RASSF3: variants seen among roughly 807,000 people sequenced by gnomAD.
The protein encoded by RASSF3 is ras association domain-containing protein 3.
RASSF3 carries 19 observed loss-of-function variants against 19.9 expected under a neutral mutation model. The observed-to-expected ratio is 0.96, with a 90% confidence interval of 0.67 to 1.40. The LOEUF (loss-of-function observed/expected upper bound fraction) is 1.40, where lower values mean the gene tolerates loss of function less well. Ranked by LOEUF, RASSF3 falls within the 40% of genes most tolerant of loss-of-function variation. The pLI is 0.00. For missense variants in RASSF3, 306 were observed against 289.8 expected, an observed-to-expected ratio of 1.06 and a Z score of -0.41; for synonymous variants, 110 against 104.2, an observed-to-expected ratio of 1.06 and a Z score of -0.34.
At chr12:64,584,508 A>AG (rs1343981746) in intron 2 of RASSF3, among the ~76,000 whole-genome samples, 1 of 151,316 alleles carries the variant, frequency 6.6e-6, no homozygotes, top group Non-Finnish European at 1.5e-5. Flanking sequence ...GCTAAGAAAA[A>AG]AAAAAAAAAA....
chr12:64,541,330 C>T (rs769841005), intron 1 of RASSF3, among the ~76,000 whole-genome samples: 7 of 152,088 alleles, frequency 4.6e-5, no homozygotes, highest in Non-Finnish European at 7.4e-5. Context: ...AAAAATGTAT[C>T]GTAGCCTAAT....
chr12:64,583,494 C>T (rs866614440), intron 2 of RASSF3, among the ~76,000 whole-genome samples: 5 of 152,100 alleles, frequency 3.3e-5, no homozygotes, highest in Non-Finnish European at 5.9e-5. Context: ...TGGTAGCGTG[C>T]GCCTGTAGTT....
At chr12:64,686,060 G>C (rs1269066192) in intron 2 of RASSF3, among the ~76,000 whole-genome samples, 1 of 152,128 alleles carries the variant, frequency 6.6e-6, no homozygotes, top group Non-Finnish European at 1.5e-5. Context: ...CCCCTCCCTG[G>C]TAGAACTCCT....
chr12:64,507,010 T>A (rs1868296225), exon 1 of RASSF3: 2 of 394,364 alleles, frequency 5.1e-6, no homozygotes, highest in East Asian at 7.2e-5. Context: ...ATTAATACAG[T>A]TTCTAGTTAT....
At chr12:64,571,518 G>GCTGGC (rs1432625421) in intron 2 of RASSF3, among the ~76,000 whole-genome samples, 23 of 152,276 alleles carry the variant, frequency 1.5e-4, no homozygotes, top group African/African-American at 5.3e-4. Flanking sequence ...GCTGGGCTGG[G>GCTGGC]CTGAGGCTTC....
intron 1 of RASSF3, among the ~76,000 whole-genome samples, chr12:64,666,509 G>T (rs74100742): frequency 0.012 from 1,781 of 152,260 alleles, 38 homozygotes; most frequent in African/African-American, 0.041. Flanking sequence ...GTGTACTCTG[G>T]TTTTCCAAAG....
At chr12:64,611,874 T>C (rs890366348) in intron 1 of RASSF3, among the ~76,000 whole-genome samples, 2 of 152,118 alleles carry the variant, frequency 1.3e-5, no homozygotes, top group African/African-American at 4.8e-5. Flanking sequence ...ATTCGGAAGT[T>C]CTAGTCTTTT....
intron 1 of RASSF3, among the ~76,000 whole-genome samples, chr12:64,518,526 G>C (rs535796229): frequency 1.3e-5 from 2 of 152,140 alleles, no homozygotes; most frequent in African/African-American, 4.8e-5. Flanking sequence ...ACTTATTACC[G>C]CAAGGATGGC....
At chr12:64,631,230 C>G (rs1413756158) in intron 1 of RASSF3, among the ~76,000 whole-genome samples, 1 of 152,046 alleles carries the variant, frequency 6.6e-6, no homozygotes, top group Non-Finnish European at 1.5e-5. Flanking sequence ...GGGTGGTTGT[C>G]CTGGGATCGG....
At chr12:64,522,842 T>A (rs938850811) in intron 1 of RASSF3, among the ~76,000 whole-genome samples, 14 of 152,142 alleles carry the variant, frequency 9.2e-5, no homozygotes, top group African/African-American at 3.4e-4. Context: ...AATGTAGAAC[T>A]AATAGGCTCC....
upstream of RASSF3, among the ~76,000 whole-genome samples, chr12:64,531,258 A>G (rs1271193228): frequency 1.3e-5 from 2 of 152,218 alleles, no homozygotes; most frequent in Non-Finnish European, 2.9e-5. Context: ...ATTAAATAAT[A>G]TGCAAAAAAG....
At chr12:64,514,318 C>T (rs944376209) in intron 1 of RASSF3, among the ~76,000 whole-genome samples, 3 of 150,666 alleles carry the variant, frequency 2.0e-5, no homozygotes, top group African/African-American at 7.4e-5. Flanking sequence ...TCCCGAGTAG[C>T]TGGGACTACA....
chr12:64,586,974 A>G (rs1006192815), intron 2 of RASSF3, among the ~76,000 whole-genome samples: 3 of 152,006 alleles, frequency 2.0e-5, no homozygotes, highest in African/African-American at 7.2e-5. Flanking sequence ...TACTCAGCTC[A>G]TAAGTCAAAT....
intron 1 of RASSF3, among the ~76,000 whole-genome samples, chr12:64,657,636 G>A (rs1310180053): frequency 2.6e-5 from 4 of 152,152 alleles, no homozygotes; most frequent in South Asian, 4.1e-4. Context: ...TGCTCCCTTC[G>A]TTCTGGTCCT....
At chr12:64,564,142 T>C (rs1408901958) in intron 2 of RASSF3, among the ~76,000 whole-genome samples, 1 of 152,202 alleles carries the variant, frequency 6.6e-6, no homozygotes, top group Non-Finnish European at 1.5e-5. Flanking sequence ...ATCCCAAATG[T>C]TGGGGTTTGT....
At chr12:64,546,806 G>A (rs1178132455) in intron 2 of RASSF3, among the ~76,000 whole-genome samples, 1 of 152,162 alleles carries the variant, frequency 6.6e-6, no homozygotes, top group Non-Finnish European at 1.5e-5. Context: ...AATCCCCAGT[G>A]TTGTTGGCTT....
chr12:64,651,469 C>T (rs961617121), intron 1 of RASSF3, among the ~76,000 whole-genome samples: 4 of 152,216 alleles, frequency 2.6e-5, no homozygotes, highest in Admixed American at 2.6e-4. Flanking sequence ...AAGTGATTCT[C>T]TTGCCTCAGC....
At chr12:64,691,907 C>G (rs899544503) in intron 4 of RASSF3, among the ~76,000 whole-genome samples, 7 of 152,126 alleles carry the variant, frequency 4.6e-5, no homozygotes, top group Admixed American at 3.3e-4. Context: ...CAAAATACTC[C>G]AGTCCAGCTG....
chr12:64,539,303 A>T (rs1365223524), intron 1 of RASSF3, among the ~76,000 whole-genome samples: 1 of 152,064 alleles, frequency 6.6e-6, no homozygotes, highest in Non-Finnish European at 1.5e-5. Context: ...CGGTCTCATC[A>T]TGGGGGCCCT....
Sources: gnomAD v4.1 joint callset for allele counts (sites outside exome capture counted in the v4.1 genomes callset) on GRCh38, gnomAD v4.1.1 for gene constraint, MANE v1.5 for transcripts, NCBI Gene and HGNC (gene_info 2026-07-23, HGNC 2026-07-21) for gene names.